Variants in RARS2 observed in about 807,000 individuals in gnomAD.
RARS2 encodes the protein arginyl-tRNA synthetase 2, mitochondrial, also known as probable arginine--tRNA ligase, mitochondrial.
A neutral mutation model predicts 88.5 loss-of-function variants in RARS2; 67 were observed. That is an observed-to-expected ratio of 0.76 (90% CI 0.62 to 0.93). The LOEUF is 0.93. Among genes scored for constraint, RARS2 ranks in the 40% least tolerant of loss-of-function variants. The pLI, the probability that RARS2 is intolerant of heterozygous loss-of-function variation, is 0.00. For synonymous variants in RARS2, 239 were observed against 230.3 expected (o/e 1.04, Z -0.34); for missense variants, 664 against 684.2 (o/e 0.97, Z 0.33).
At chr6:87,564,350 T>G in intron 2 of RARS2, 118 bp from the exon 3 acceptor site, 1 of 790,436 alleles carries the variant, frequency 1.3e-6, no homozygotes, top group Non-Finnish European at 2.1e-6. Flanking sequence ...GAAGGTGTTA[T>G]GTGTACTTTC....
In RARS2 at chr6:87,520,261, G is replaced by A. The variant is rs747356214; in HGVS notation, c.1036-5C>T. On this transcript the variant is annotated splice_polypyrimidine_tract_variant and splice_region_variant and intron_variant, in intron 12 of 19. Transcript: ENST00000369536. ...CTTTTTTTGTCCTTTATCTGTCTTG[G>A]GAAGAAAATATATATAAAATAAAAG... is the stretch of plus-strand genomic sequence containing the variant. The A allele has an allele frequency of 2.6e-5, 42 of 1,588,834 alleles. No homozygotes were observed. Among genetic ancestry groups the A allele is most frequent in the Non-Finnish European group, 3.6e-5 (42 of 1,158,492 alleles).
chr6:87,546,436 A>G lies in RARS2; in HGVS notation c.452-737T>C, dbSNP rs75742035. 6.3e-4 allele frequency among the ~76,000 whole-genome samples: 96 copies of G among 152,262 alleles called. 3 individuals carry two copies. In the East Asian group the frequency reaches 0.018, roughly 28 times the overall value. ...GGGGGCTGTGTTTTTTTGTGACACC[A>G]TGAACAGAGGTCCTAGTATTCCATG... On this transcript the variant is annotated intron_variant, in intron 6 of 19. Coordinates refer to ENST00000369536, the MANE Select transcript of RARS2 (RefSeq NM_020320.5).
At chr6:87,524,408 T>C (rs1774984255) in intron 11 of RARS2, 149 bp downstream of exon 11, 5 of 709,938 alleles carry the variant, frequency 7.0e-6, no homozygotes, top group South Asian at 3.1e-5. Flanking sequence ...AAAATACTTT[T>C]AGTTGATTAT....
intron 5 of RARS2, among the ~76,000 whole-genome samples, chr6:87,552,086 A>G (rs190843111): frequency 1.3e-5 from 2 of 152,318 alleles, no homozygotes; most frequent in Admixed American, 1.3e-4. Flanking sequence ...GGAGGCAGTA[A>G]AAGTTAAGTA....
At chr6:87,576,932 G>C (rs146100757) in intron 1 of RARS2, among the ~76,000 whole-genome samples, 2 of 152,186 alleles carry the variant, frequency 1.3e-5, no homozygotes, top group Non-Finnish European at 1.5e-5. Context: ...TCATGATCTG[G>C]TCAAAGCAGA....
chr6:87,523,690 T>C (rs1205113726), intron 11 of RARS2, among the ~76,000 whole-genome samples: 1 of 152,166 alleles, frequency 6.6e-6, no homozygotes, highest in African/African-American at 2.4e-5. Flanking sequence ...AACTGACACC[T>C]AATGATAACC....
At chr6:87,534,896 A>C (rs1195982437) in intron 8 of RARS2, among the ~76,000 whole-genome samples, 4 of 152,234 alleles carry the variant, frequency 2.6e-5, no homozygotes, top group Admixed American at 6.5e-5. Flanking sequence ...AATGTTTGTC[A>C]CACAAGAAGA....
At chr6:87,538,046 T>A (rs1243590368) in intron 8 of RARS2, among the ~76,000 whole-genome samples, 1 of 152,234 alleles carries the variant, frequency 6.6e-6, no homozygotes, top group African/African-American at 2.4e-5. Context: ...AAATTCCTCA[T>A]TTATGCTAAC....
intron 8 of RARS2, among the ~76,000 whole-genome samples, chr6:87,540,508 G>C (rs1474129723): frequency 6.7e-6 from 1 of 148,784 alleles, no homozygotes; most frequent in Admixed American, 6.7e-5. Flanking sequence ...TGCAAAGCCA[G>C]CTGCAGGAAA....
intron 18 of RARS2, 150 bp from the exon 19 acceptor site, chr6:87,515,170 C>A (rs1771153347): frequency 1.4e-6 from 1 of 717,124 alleles, no homozygotes; most frequent in Non-Finnish European, 2.5e-6. Flanking sequence ...AACTGGAATT[C>A]AAAACTCAAG....
chr6:87,589,037 CCCA>C (rs1776124677), intron 1 of RARS2, among the ~76,000 whole-genome samples: 1 of 152,132 alleles, frequency 6.6e-6, no homozygotes, highest in African/African-American at 2.4e-5. Context: ...GAGGGATTTC[CCCA>C]CAAATGTCTA....
intron 1 of RARS2, among the ~76,000 whole-genome samples, chr6:87,588,558 T>A (rs1210238149): frequency 6.6e-6 from 1 of 151,968 alleles, no homozygotes; most frequent in Non-Finnish European, 1.5e-5. Context: ...AAAATTTTGT[T>A]GAGACGGGGT....
chr6:87,573,286 C>T (rs992264647), intron 1 of RARS2, among the ~76,000 whole-genome samples: 2 of 152,022 alleles, frequency 1.3e-5, no homozygotes, highest in Non-Finnish European at 2.9e-5. Flanking sequence ...GTTGAACAAC[C>T]AGATCTTGTG....
chr6:87,575,019 G>A (rs1770948027), intron 1 of RARS2, among the ~76,000 whole-genome samples: 1 of 151,932 alleles, frequency 6.6e-6, no homozygotes, highest in Non-Finnish European at 1.5e-5. Flanking sequence ...AAACAAACAT[G>A]CAGACAGGAA....
At chr6:87,542,529 A>G (rs1420919563) in intron 7 of RARS2, among the ~76,000 whole-genome samples, 3 of 152,150 alleles carry the variant, frequency 2.0e-5, no homozygotes, top group Non-Finnish European at 4.4e-5. Context: ...AACTTGGAAC[A>G]TCCTTGATTA....
At chr6:87,583,827 T>C (rs1424082303) in intron 1 of RARS2, among the ~76,000 whole-genome samples, 1 of 152,214 alleles carries the variant, frequency 6.6e-6, no homozygotes, top group African/African-American at 2.4e-5. Context: ...ATTCCTTTCA[T>C]GTTCCTGAAT....
intron 11 of RARS2, among the ~76,000 whole-genome samples, 200 bp from the exon 12 acceptor site, chr6:87,521,724 T>C (rs1295522887): frequency 6.6e-6 from 1 of 151,912 alleles, no homozygotes; most frequent in African/African-American, 2.4e-5. Context: ...AAAACAACAA[T>C]AAAAACACTG....
intron 1 of RARS2, among the ~76,000 whole-genome samples, chr6:87,581,218 A>T (rs780278701): frequency 2.0e-5 from 3 of 152,204 alleles, no homozygotes; most frequent in Non-Finnish European, 4.4e-5. Context: ...ATAAAAACCT[A>T]ATTTTGCTAA....
At chr6:87,515,184 T>C (rs1179847179) in intron 18 of RARS2, among the ~76,000 whole-genome samples, 164 bp from the exon 19 acceptor site, 12 of 152,248 alleles carry the variant, frequency 7.9e-5, no homozygotes, top group Admixed American at 7.2e-4. Context: ...ACTCAAGCTT[T>C]AGATCTTGGC....
Sources: gnomAD v4.1 joint callset for allele counts (sites outside exome capture counted in the v4.1 genomes callset) on GRCh38, gnomAD v4.1.1 for gene constraint, MANE v1.5 for transcripts, NCBI Gene and HGNC (gene_info 2026-07-23, HGNC 2026-07-21) for gene names.